ATP10B: variants seen among roughly 807,000 people sequenced by gnomAD.
ATP10B encodes phospholipid-transporting ATPase VB.
Under a neutral mutation model 141.2 loss-of-function variants are expected in ATP10B, and 122 were observed. That is an observed-to-expected ratio of 0.86 (90% confidence interval 0.75 to 1.00). ATP10B has a LOEUF of 1.00. Among genes scored for constraint, ATP10B ranks in the 50% least tolerant of loss-of-function variants. The pLI is 0.00. For synonymous variants in ATP10B, 685 were observed against 692.0 expected (o/e 0.99, Z 0.16); for missense variants, 1,876 against 1,825.3 (o/e 1.03, Z -0.51).
At chr5:160,840,011 AT>A (rs1301675198) in intron 1 of ATP10B, among the ~76,000 whole-genome samples, 2 of 152,100 alleles carry the variant, frequency 1.3e-5, no homozygotes, top group African/African-American at 4.8e-5. Context: ...CAACAAAAAT[AT>A]TTAGGAGCAA....
the ATP10B span, among the ~76,000 whole-genome samples, chr5:160,896,665 A>G: frequency 6.6e-6 from 1 of 152,248 alleles, no homozygotes; most frequent in Non-Finnish European, 1.5e-5. Context: ...AAACAATAGA[A>G]AAAGAGGGAC....
intron 2 of ATP10B, among the ~76,000 whole-genome samples, chr5:160,726,543 T>C (rs1316278261): frequency 1.3e-5 from 2 of 151,932 alleles, no homozygotes; most frequent in Non-Finnish European, 2.9e-5. Context: ...AGAATCTGGT[T>C]CCCTTAAATT....
intron 22 of ATP10B, among the ~76,000 whole-genome samples, chr5:160,593,217 A>C (rs1756444247): frequency 6.6e-6 from 1 of 152,184 alleles, no homozygotes; most frequent in African/African-American, 2.4e-5. Flanking sequence ...CTCTGAGACA[A>C]AACTTCCAGA....
intron 2 of ATP10B, among the ~76,000 whole-genome samples, chr5:160,761,040 A>G (rs1486726990): frequency 1.3e-5 from 2 of 152,068 alleles, no homozygotes; most frequent in South Asian, 2.1e-4. Context: ...GTAAGATTAT[A>G]TCCCCCTTCT....
At chr5:160,701,873 C>T (rs1764704273) in intron 3 of ATP10B, among the ~76,000 whole-genome samples, 1 of 151,898 alleles carries the variant, frequency 6.6e-6, no homozygotes. Flanking sequence ...CCCCTCTGCC[C>T]CAGTGCCTCC....
rs142253957 is a variant in ATP10B, at chr5:160,675,222, C to T, written c.471-4555G>A. The stretch of plus-strand genomic sequence containing the variant: ...ACATCCACACACCCTGGACTGTCCC[C>T]CTACTAGAGGGTCCACACCTGGGAA... On this transcript the variant is annotated intron_variant, in intron 6 of 25. Coordinates refer to ENST00000327245, the MANE Select transcript of ATP10B (RefSeq NM_025153.3). Among the ~76,000 whole-genome samples, 3 of 152,308 alleles carry T rather than the reference C, an allele frequency of 2.0e-5. No homozygotes were observed. In the East Asian group the frequency reaches 5.8e-4, roughly 29 times the overall value.
chr5:160,702,116 G>A (rs774064388), intron 3 of ATP10B, among the ~76,000 whole-genome samples: 58 of 152,016 alleles, frequency 3.8e-4, no homozygotes, highest in Non-Finnish European at 7.6e-4. Context: ...TCCTTCCTAG[G>A]TACAATGACT....
At position 160,761,426 on chromosome 5, in the gene ATP10B, A is replaced by C. The variant is rs1769033235; in HGVS notation, c.-331+24133T>G. On this transcript the variant is annotated intron_variant, in intron 2 of 25. Coordinates refer to ENST00000327245, the MANE Select transcript of ATP10B (RefSeq NM_025153.3). ...CCTACATTCGCCAGCACCAGCCTAC[A>C]TTCCCCAGCACCAGGGCCCAGTAGC... is the stretch of plus-strand genomic sequence containing the variant. Among the ~76,000 whole-genome samples, 7 of 151,812 alleles carry C rather than the reference A, an allele frequency of 4.6e-5. No individual in the cohort carries two copies. In the South Asian group the frequency reaches 1.5e-3, roughly 32 times the overall value.
chr5:160,885,068 T>G, the ATP10B span, among the ~76,000 whole-genome samples: 1 of 152,218 alleles, frequency 6.6e-6, no homozygotes, highest in Non-Finnish European at 1.5e-5. Context: ...GGCTACCCTG[T>G]TTTGCATTAT....
At chr5:160,797,819 G>A (rs955083513) in intron 1 of ATP10B, among the ~76,000 whole-genome samples, 3 of 152,036 alleles carry the variant, frequency 2.0e-5, no homozygotes, top group Non-Finnish European at 4.4e-5. Flanking sequence ...AGCTGTGCAT[G>A]GTGACACATG....
chr5:160,603,840 T>C (rs996151838), intron 20 of ATP10B, 125 bp downstream of exon 20: 41 of 726,006 alleles, frequency 5.6e-5, no homozygotes, highest in African/African-American at 1.2e-4. Flanking sequence ...TCATTGCTTA[T>C]GGAGGGCATT....
rs147424952 is a variant in ATP10B at position 160,823,417 on chromosome 5, A to G, written c.-576+28524T>C. On this transcript the variant is annotated intron_variant, in intron 1 of 25. Coordinates refer to ENST00000327245, the MANE Select transcript of ATP10B (RefSeq NM_025153.3). ...GGGGTGGGGTGAGGGCAAACATTAG[A>G]AAAAATAGCTTATACATGCTAGACT... 2.0e-4 allele frequency among the ~76,000 whole-genome samples: 30 copies of G among 152,204 alleles called. No homozygotes were observed. In the East Asian group the frequency reaches 5.8e-3, roughly 29 times the overall value.
chr5:160,585,807 C>G (rs879390741), intron 24 of ATP10B, among the ~76,000 whole-genome samples: 1 of 152,116 alleles, frequency 6.6e-6, no homozygotes, highest in Non-Finnish European at 1.5e-5. Context: ...TTGAGCCTTC[C>G]CAGTGCCTTC....
At chr5:160,572,822 C>T (rs114365306) in intron 24 of ATP10B, among the ~76,000 whole-genome samples, 2,377 of 152,252 alleles carry the variant, frequency 0.016, 28 homozygotes, top group Middle Eastern at 0.075. Flanking sequence ...CCTCATACAC[C>T]CAACATTCAG....
intron 24 of ATP10B, among the ~76,000 whole-genome samples, chr5:160,584,331 C>T (rs985245035): frequency 3.9e-5 from 6 of 152,120 alleles, no homozygotes; most frequent in African/African-American, 1.4e-4. Context: ...AATGCCCCAC[C>T]CTACTTTGGC....
At chr5:160,817,682 C>T (rs542268198) in intron 1 of ATP10B, among the ~76,000 whole-genome samples, 2 of 152,288 alleles carry the variant, frequency 1.3e-5, no homozygotes, top group East Asian at 1.9e-4. Flanking sequence ...AAAGAGCCCG[C>T]ATTGCCAAGT....
chr5:160,831,071 T>G (rs928228367), intron 1 of ATP10B, among the ~76,000 whole-genome samples: 6 of 151,494 alleles, frequency 4.0e-5, no homozygotes. Context: ...CTCTCATCTT[T>G]GTCACTTATT....
chr5:160,651,031 G>A (rs1231120409), intron 7 of ATP10B, among the ~76,000 whole-genome samples: 2 of 152,064 alleles, frequency 1.3e-5, no homozygotes, highest in East Asian at 3.9e-4. Flanking sequence ...AGCTAATAGA[G>A]CAAAATAAAT....
At chr5:160,803,447 G>A (rs1772533185) in intron 1 of ATP10B, among the ~76,000 whole-genome samples, 2 of 152,152 alleles carry the variant, frequency 1.3e-5, no homozygotes, top group African/African-American at 2.4e-5. Flanking sequence ...GGAGGCTGAG[G>A]AGGGCAGATC....
Sources: gnomAD v4.1 joint callset for allele counts (sites outside exome capture counted in the v4.1 genomes callset) on GRCh38, gnomAD v4.1.1 for gene constraint, MANE v1.5 for transcripts, NCBI Gene and HGNC (gene_info 2026-07-23, HGNC 2026-07-21) for gene names.